The following ATG7 variants were observed in gnomAD, a reference collection of about 807,000 sequenced individuals.
ATG7 encodes ubiquitin-like modifier-activating enzyme ATG7.
Under a neutral mutation model 82.4 loss-of-function variants are expected in ATG7, and 70 were observed. That is an observed-to-expected ratio of 0.85 (90% CI 0.70 to 1.04). The LOEUF is 1.04. Ranked by LOEUF, ATG7 falls within the 50% of genes least tolerant of loss-of-function variation. The pLI is 0.00. For synonymous variants in ATG7, 287 were observed against 313.0 expected, an observed-to-expected ratio of 0.92 and a Z score of 0.88; for missense variants, 792 against 864.3, an observed-to-expected ratio of 0.92 and a Z score of 1.05.
intron 20 of ATG7, among the ~76,000 whole-genome samples, chr3:11,531,334 G>T (rs1405369596): frequency 6.6e-6 from 1 of 152,192 alleles, no homozygotes; most frequent in African/African-American, 2.4e-5. Flanking sequence ...GGGGGGCACA[G>T]AGGAACAGGT....
chr3:11,282,473 C>T (rs543808416), intron 3 of ATG7, 35 bp downstream of exon 3: 1 of 152,312 alleles, frequency 6.6e-6, no homozygotes, highest in South Asian at 2.1e-4. Context: ...TAGCAATTTT[C>T]CTAACTGCCA....
chr3:11,363,951 C>G (rs999860520), intron 17 of ATG7, among the ~76,000 whole-genome samples: 3 of 152,126 alleles, frequency 2.0e-5, no homozygotes, highest in African/African-American at 4.8e-5. Flanking sequence ...TCCACCTTAG[C>G]TATCTGTCAT....
rs1468327825 is a variant in ATG7 at position 11,554,845 on chromosome 3, A to T, written c.*2A>T. ...ATGAGCGATGATGAGACCATCTGAG[A>T]TGGCCCCGCTGTGGGGCTGACTTCT... On this transcript the variant is annotated 3_prime_UTR_variant, in exon 21 of 21. Transcript: ENST00000693202. 1 of 1,612,776 alleles carries T rather than the reference A, an allele frequency of 6.2e-7. No homozygotes were observed. Among genetic ancestry groups the T allele is most frequent in the Non-Finnish European group, 8.5e-7 (1 of 1,179,624 alleles).
At chr3:11,309,685 T>TAC (rs146228476) in intron 7 of ATG7, among the ~76,000 whole-genome samples, 12 of 151,540 alleles carry the variant, frequency 7.9e-5, no homozygotes, top group African/African-American at 1.5e-4. Flanking sequence ...CGTGTGTGCG[T>TAC]ACACACACAC....
At chr3:11,509,412 T>A (rs967483628) in intron 20 of ATG7, among the ~76,000 whole-genome samples, 2 of 151,858 alleles carry the variant, frequency 1.3e-5, no homozygotes, top group Non-Finnish European at 2.9e-5. Context: ...TTTTTTTAAG[T>A]GCCAAATTGT....
chr3:11,294,811 C>A (rs2152682931), intron 3 of ATG7, among the ~76,000 whole-genome samples: 1 of 152,238 alleles, frequency 6.6e-6, no homozygotes, highest in South Asian at 2.1e-4. Context: ...CAGGCATCCT[C>A]ATTTTTTAAT....
At chr3:11,420,898 G>C (rs549311612) in intron 19 of ATG7, among the ~76,000 whole-genome samples, 5 of 151,902 alleles carry the variant, frequency 3.3e-5, no homozygotes, top group Non-Finnish European at 4.4e-5. Flanking sequence ...TGGGACTACA[G>C]GTGTATGCCA....
At chr3:11,374,708 A>G (rs548893223) in intron 18 of ATG7, among the ~76,000 whole-genome samples, 12 of 152,218 alleles carry the variant, frequency 7.9e-5, no homozygotes, top group African/African-American at 2.4e-4. Flanking sequence ...GATTGAGACC[A>G]TCCTGGTTAA....
intron 20 of ATG7, among the ~76,000 whole-genome samples, chr3:11,546,564 A>G (rs1349693170): frequency 6.6e-6 from 1 of 152,250 alleles, no homozygotes; most frequent in Admixed American, 6.5e-5. Context: ...CAGTGTTTAT[A>G]AAAGAAGAAC....
chr3:11,335,731 C>T (rs1461651433), intron 11 of ATG7, among the ~76,000 whole-genome samples: 1 of 152,176 alleles, frequency 6.6e-6, no homozygotes, highest in Non-Finnish European at 1.5e-5. Context: ...GAGTCTTGCC[C>T]TGTCGCTTGA....
intron 9 of ATG7, among the ~76,000 whole-genome samples, chr3:11,316,380 C>T (rs1021899308): frequency 6.6e-6 from 1 of 152,176 alleles, no homozygotes; most frequent in Non-Finnish European, 1.5e-5. Context: ...ACATCTAAAA[C>T]TTTTTTTGTA....
chr3:11,417,815 A>ATTT (rs372904207), intron 19 of ATG7, among the ~76,000 whole-genome samples: 5 of 64,954 alleles, frequency 7.7e-5, no homozygotes, highest in South Asian at 4.7e-4. Flanking sequence ...ATTTTATTTT[A>ATTT]TTTTTTTTTT....
intron 20 of ATG7, among the ~76,000 whole-genome samples, chr3:11,474,055 TAGTTG>T (rs2087845446): frequency 6.6e-6 from 1 of 152,204 alleles, no homozygotes; most frequent in Non-Finnish European, 1.5e-5. Flanking sequence ...ATATGCCACT[TAGTTG>T]AGTTCAGTTC....
chr3:11,481,382 T>C (rs1392842917), intron 20 of ATG7, among the ~76,000 whole-genome samples: 1 of 152,224 alleles, frequency 6.6e-6, no homozygotes, highest in Non-Finnish European at 1.5e-5. Flanking sequence ...AAAGTCAAGG[T>C]GAACTATGTA....
chr3:11,472,264 C>G (rs767090063), intron 20 of ATG7, among the ~76,000 whole-genome samples: 1 of 152,198 alleles, frequency 6.6e-6, no homozygotes, highest in East Asian at 1.9e-4. Context: ...TTCCCTGTAT[C>G]GCTTCATTTT....
intron 9 of ATG7, among the ~76,000 whole-genome samples, chr3:11,323,038 G>C (rs1353242434): frequency 1.3e-5 from 2 of 152,208 alleles, no homozygotes; most frequent in African/African-American, 4.8e-5. Context: ...ATTTGAGTCT[G>C]CAGTGAACTG....
intron 19 of ATG7, among the ~76,000 whole-genome samples, chr3:11,418,175 G>C (rs1398335464): frequency 6.6e-6 from 1 of 151,088 alleles, no homozygotes; most frequent in African/African-American, 2.4e-5. Context: ...TGCGATCTCA[G>C]CTCACTGCAG....
chr3:11,467,240 A>C lies in ATG7; in HGVS notation c.2079+40314A>C, dbSNP rs145939469. On this transcript the variant is annotated intron_variant, in intron 20 of 20. Coordinates refer to ENST00000693202, the MANE Select transcript of ATG7 (RefSeq NM_001349232.2). ...TAGCATGGGGCAGTGGTTAGTAACA[A>C]CTCTGGAGTCAGACCAACCTGAGTT... 4.6e-5 allele frequency among the ~76,000 whole-genome samples: 7 copies of C among 152,280 alleles called. No homozygotes were observed. In the East Asian group the frequency reaches 9.6e-4, roughly 21 times the overall value.
At chr3:11,359,230 TA>T (rs1173072346) in intron 15 of ATG7, among the ~76,000 whole-genome samples, 2 of 152,034 alleles carry the variant, frequency 1.3e-5, no homozygotes, top group Non-Finnish European at 2.9e-5. Flanking sequence ...AAATAGTAGG[TA>T]AAAAATACAC....
Sources: gnomAD v4.1 joint callset for allele counts (sites outside exome capture counted in the v4.1 genomes callset) on GRCh38, gnomAD v4.1.1 for gene constraint, MANE v1.5 for transcripts, NCBI Gene and HGNC (gene_info 2026-07-23, HGNC 2026-07-21) for gene names.